Variants in CMSS1 observed in about 807,000 individuals in gnomAD.
CMSS1 encodes the protein protein CMSS1.
Under a neutral mutation model 43.5 loss-of-function variants are expected in CMSS1, and 33 were observed. The observed-to-expected ratio is 0.76, with a 90% CI of 0.57 to 1.01. The LOEUF is 1.01. Ranked by LOEUF, CMSS1 falls within the 50% of genes least tolerant of loss-of-function variation. The pLI is 0.00. For synonymous variants in CMSS1, 115 were observed against 117.2 expected (o/e 0.98, Z 0.12); for missense variants, 313 against 326.4 (o/e 0.96, Z 0.32).
At chr3:100,033,663 A>G (rs565115886) in intron 1 of CMSS1, among the ~76,000 whole-genome samples, 55 of 152,190 alleles carry the variant, frequency 3.6e-4, no homozygotes, top group African/African-American at 7.2e-5. Context: ...GTAGGAAATT[A>G]AAAAGCTTAA....
chr3:99,895,084 T>A (rs1386833297), intron 1 of CMSS1, among the ~76,000 whole-genome samples: 2 of 152,206 alleles, frequency 1.3e-5, no homozygotes, highest in Non-Finnish European at 2.9e-5. Flanking sequence ...CCAGGTGCCA[T>A]CCTTCGAACA....
chr3:99,916,349 T>C (rs13082013), intron 1 of CMSS1, among the ~76,000 whole-genome samples: 8,109 of 151,916 alleles, frequency 0.053, 318 homozygotes, highest in Middle Eastern at 0.085. Flanking sequence ...ATGACTGGCT[T>C]TCTTGGGTCT....
At chr3:99,993,879 T>C (rs1253196885) in intron 1 of CMSS1, among the ~76,000 whole-genome samples, 1 of 152,222 alleles carries the variant, frequency 6.6e-6, no homozygotes, top group Non-Finnish European at 1.5e-5. Context: ...TATTTACTAG[T>C]ATTTTGTTGA....
intron 1 of CMSS1, among the ~76,000 whole-genome samples, chr3:100,105,907 C>T (rs2066387290): frequency 6.6e-6 from 1 of 152,082 alleles, no homozygotes; most frequent in South Asian, 2.1e-4. Flanking sequence ...AATCAATGAG[C>T]TTTCTTTTCT....
intron 1 of CMSS1, chr3:99,848,822 C>A: frequency 6.2e-7 from 1 of 1,613,948 alleles, no homozygotes; most frequent in Admixed American, 1.7e-5. Context: ...GTTATGGAGG[C>A]GTTTTGGAGG....
chr3:99,866,829 A>C (rs1355965160), intron 1 of CMSS1, among the ~76,000 whole-genome samples: 1 of 152,138 alleles, frequency 6.6e-6, no homozygotes, highest in Non-Finnish European at 1.5e-5. Context: ...CAGGTGGAAA[A>C]GTTTTATTCT....
chr3:99,998,602 AC>A (rs1320778455), intron 1 of CMSS1, among the ~76,000 whole-genome samples: 1 of 152,102 alleles, frequency 6.6e-6, no homozygotes, highest in African/African-American at 2.4e-5. Flanking sequence ...TCTTTCCAGC[AC>A]CCATGCTGGA....
chr3:100,035,543 G>A (rs1214082268), intron 1 of CMSS1, among the ~76,000 whole-genome samples: 5 of 152,252 alleles, frequency 3.3e-5, no homozygotes, highest in South Asian at 2.1e-4. Flanking sequence ...AATTACAGGC[G>A]TGAGACACTG....
chr3:100,124,862 G>C (rs1342002722), intron 1 of CMSS1, among the ~76,000 whole-genome samples: 1 of 150,052 alleles, frequency 6.7e-6, no homozygotes, highest in Non-Finnish European at 1.5e-5. Context: ...TTGATGAGAT[G>C]TATATGCGTT....
intron 1 of CMSS1, among the ~76,000 whole-genome samples, chr3:99,972,867 T>A (rs1469050848): frequency 2.6e-5 from 4 of 152,254 alleles, no homozygotes; most frequent in Admixed American, 6.5e-5. Context: ...ACTTTTTCTT[T>A]CATGTTAGAT....
In CMSS1 at chr3:100,117,927, A is replaced by G. The variant is rs141461400; in HGVS notation, c.65-29046A>G. Among the ~76,000 whole-genome samples, 982 of 147,242 alleles carry G rather than the reference A, an allele frequency of 6.7e-3. 16 individuals carry two copies. Among genetic ancestry groups the G allele is most frequent in the African/African-American group, 0.023 (900 of 39,906 alleles). On this transcript the variant is annotated intron_variant, in intron 1 of 9. Transcript: ENST00000421999. ...AGGCTTAAAGACGATTGAAATTCTG[A>G]TACATACTACAATATGGATGAACCA...
rs577261640 is a variant in CMSS1, at chr3:100,160,790, C to A, written c.225+289C>A. On this transcript the variant is annotated intron_variant, in intron 3 of 9. Coordinates refer to ENST00000421999, the MANE Select transcript of CMSS1 (RefSeq NM_032359.4). Reference sequence around the variant, plus strand: ...AGATGTCAGACATAGATTTCTAATTCTAGAAGGAGTCCAGAGCTATCCTCC... The same window carrying A: ...AGATGTCAGACATAGATTTCTAATTATAGAAGGAGTCCAGAGCTATCCTCC... 3.3e-5 allele frequency among the ~76,000 whole-genome samples: 5 copies of A among 152,310 alleles called. No individual in the cohort carries two copies. In the East Asian group the frequency reaches 9.6e-4, roughly 29 times the overall value.
intron 1 of CMSS1, chr3:99,898,783 A>AAAAT (rs1706343832): frequency 6.6e-6 from 1 of 152,072 alleles, no homozygotes; most frequent in African/African-American, 2.4e-5. Context: ...AAAAAAAAAA[A>AAAAT]AAGTGCATTT....
At chr3:100,141,076 T>C (rs1268351416) in intron 1 of CMSS1, among the ~76,000 whole-genome samples, 1 of 152,210 alleles carries the variant, frequency 6.6e-6, no homozygotes, top group Non-Finnish European at 1.5e-5. Context: ...AATCTTCCAC[T>C]GACTAGTTTG....
intron 2 of CMSS1, among the ~76,000 whole-genome samples, chr3:100,156,207 G>A (rs934169578): frequency 9.3e-5 from 14 of 150,556 alleles, no homozygotes; most frequent in African/African-American, 2.7e-4. Context: ...TCACTGCAAC[G>A]TTGAACTCCT....
chr3:99,952,261 A>G (rs1405585392), intron 1 of CMSS1, among the ~76,000 whole-genome samples: 1 of 152,134 alleles, frequency 6.6e-6, no homozygotes, highest in Non-Finnish European at 1.5e-5. Context: ...CTCCTAAATC[A>G]AATTAGGGCA....
At chr3:99,847,365 TG>T (rs1226965905) in intron 1 of CMSS1, among the ~76,000 whole-genome samples, 21 of 151,948 alleles carry the variant, frequency 1.4e-4, no homozygotes, top group African/African-American at 4.8e-4. Context: ...TTTTTTGCTT[TG>T]AAGTAGAGTG....
chr3:100,153,841 T>C (rs377580017), intron 2 of CMSS1, among the ~76,000 whole-genome samples: 1 of 152,036 alleles, frequency 6.6e-6, no homozygotes. Context: ...GCTATTTCTT[T>C]TTTTTTCTTT....
At chr3:99,974,041 T>G (rs1256745880) in intron 1 of CMSS1, among the ~76,000 whole-genome samples, 2 of 152,244 alleles carry the variant, frequency 1.3e-5, no homozygotes, top group Non-Finnish European at 2.9e-5. Context: ...CTTCCAAGTT[T>G]AAGAACAAGA....
Sources: allele counts gnomAD v4.1 joint callset (sites outside exome capture counted in the v4.1 genomes callset), GRCh38; gene constraint gnomAD v4.1.1; transcripts MANE v1.5; gene names NCBI Gene and HGNC (gene_info 2026-07-23, HGNC 2026-07-21).